HMGCLL1: variants seen among roughly 807,000 people sequenced by gnomAD.
The protein encoded by HMGCLL1 is 3-hydroxy-3-methylglutaryl-CoA lyase like 1.
HMGCLL1 carries 36 observed loss-of-function variants against 39.1 expected under a neutral mutation model. That is an observed-to-expected ratio of 0.92 (90% confidence interval 0.71 to 1.22). The LOEUF (loss-of-function observed/expected upper bound fraction) is 1.22. Among genes scored for constraint, HMGCLL1 ranks in the 50% most tolerant of loss-of-function variants. HMGCLL1 has a pLI of 0.00. For missense variants in HMGCLL1, 451 were observed against 416.5 expected (o/e 1.08, Z -0.72); for synonymous variants, 149 against 144.0 (o/e 1.03, Z -0.25).
At chr6:55,667,838 A>G in the HMGCLL1 span, among the ~76,000 whole-genome samples, 132 of 151,914 alleles carry the variant, frequency 8.7e-4, no homozygotes, top group African/African-American at 3.1e-3. Flanking sequence ...TAGATCACAT[A>G]TTGTTAGTAA....
chr6:55,469,897 T>C (rs1329335783), intron 7 of HMGCLL1, among the ~76,000 whole-genome samples: 8 of 151,912 alleles, frequency 5.3e-5, no homozygotes, highest in African/African-American at 1.7e-4. Flanking sequence ...AATGTCCCTT[T>C]TTCAGAAGCA....
intron 7 of HMGCLL1, among the ~76,000 whole-genome samples, chr6:55,465,215 T>C (rs868131047): frequency 6.6e-6 from 1 of 152,134 alleles, no homozygotes. Context: ...ATTTTTCTCT[T>C]ATGTTTGATC....
At chr6:55,536,810 T>C (rs912486615) in intron 3 of HMGCLL1, among the ~76,000 whole-genome samples, 1 of 152,154 alleles carries the variant, frequency 6.6e-6, no homozygotes, top group Non-Finnish European at 1.5e-5. Flanking sequence ...AGTTAGAAAG[T>C]CTTTGCCAAA....
rs777581182 is a variant in HMGCLL1 at position 55,448,144 on chromosome 6, A to G, written c.796-8585T>C. Reference sequence around the variant, plus strand: ...AAGCTAGCCCAAGAAGACAGCCAGAAATATTCAGATAGATTGATGTTCAAG... The same window carrying G: ...AAGCTAGCCCAAGAAGACAGCCAGAGATATTCAGATAGATTGATGTTCAAG... On this transcript the variant is annotated intron_variant, in intron 7 of 8. Coordinates refer to ENST00000274901, the MANE Select transcript of HMGCLL1 (RefSeq NM_001042406.2). Among the ~76,000 whole-genome samples the G allele has an allele frequency of 8.5e-5, 13 of 152,210 alleles. No individual in the cohort carries two copies. The East Asian group carries it at 1.7e-3, about 20-fold the overall frequency.
the HMGCLL1 span, among the ~76,000 whole-genome samples, chr6:55,619,985 C>T: frequency 3.3e-5 from 5 of 152,080 alleles, no homozygotes; most frequent in Non-Finnish European, 5.9e-5. Flanking sequence ...ATAATGACTT[C>T]CATTTCCATC....
intron 1 of HMGCLL1, among the ~76,000 whole-genome samples, chr6:55,550,872 G>T (rs1038567094): frequency 6.6e-6 from 1 of 151,466 alleles, no homozygotes; most frequent in African/African-American, 2.4e-5. Flanking sequence ...CACAAGACAG[G>T]ACTCCACAAC....
the HMGCLL1 span, among the ~76,000 whole-genome samples, chr6:55,601,515 T>G: frequency 6.6e-6 from 1 of 152,116 alleles, no homozygotes; most frequent in East Asian, 1.9e-4. Flanking sequence ...AGTCCCAAAT[T>G]TAATCTAAAC....
At position 55,477,408 on chromosome 6, in the gene HMGCLL1, A is replaced by G; in HGVS notation, c.795+18011T>C. On this transcript the variant is annotated intron_variant, in intron 7 of 8. Coordinates refer to ENST00000274901, the MANE Select transcript of HMGCLL1 (RefSeq NM_001042406.2). ...ATCTAAATATAATATATATTATCTA[A>G]ATATATATTATCTTAATATATATTA... Among the ~76,000 whole-genome samples, 5 of 22,248 alleles carry G rather than the reference A, an allele frequency of 2.2e-4. 2 individuals are homozygous for G. The highest frequency in any genetic ancestry group is 1.8e-4 in the Non-Finnish European group (3 of 16,272). The allele number at this position is 22,248 out of a possible 152,430, so 14.6% of individuals were successfully genotyped here. A position where few individuals can be genotyped will look rare whatever the true frequency, so the allele number is the denominator to read the frequency against.
the HMGCLL1 span, among the ~76,000 whole-genome samples, chr6:55,591,366 T>C: frequency 7.9e-5 from 12 of 151,988 alleles, no homozygotes; most frequent in Non-Finnish European, 1.5e-4. Flanking sequence ...TGCCTTCTTC[T>C]AGGGTTTAAA....
At chr6:55,586,280 C>A in the HMGCLL1 span, among the ~76,000 whole-genome samples, 1 of 151,852 alleles carries the variant, frequency 6.6e-6, no homozygotes, top group South Asian at 2.1e-4. Flanking sequence ...AGACCACATT[C>A]GAGAGGATTG....
chr6:55,439,355 T>G, intron 8 of HMGCLL1, 79 bp downstream of exon 8: 1 of 1,396,174 alleles, frequency 7.2e-7, no homozygotes, highest in African/African-American at 1.4e-5. Context: ...ACCTCAAAAT[T>G]GCTTCCCACA....
chr6:55,518,896 T>C (rs1408677177), intron 3 of HMGCLL1, among the ~76,000 whole-genome samples: 1 of 152,170 alleles, frequency 6.6e-6, no homozygotes, highest in African/African-American at 2.4e-5. Flanking sequence ...GTGAGCATAG[T>C]AAATGTTTAC....
At chr6:55,550,317 C>T (rs1770258698) in intron 1 of HMGCLL1, among the ~76,000 whole-genome samples, 3 of 152,004 alleles carry the variant, frequency 2.0e-5, no homozygotes, top group Admixed American at 2.0e-4. Flanking sequence ...GATGGCATTT[C>T]ACTGGGCCCC....
At chr6:55,444,695 C>T (rs1028275332) in intron 7 of HMGCLL1, among the ~76,000 whole-genome samples, 1 of 151,818 alleles carries the variant, frequency 6.6e-6, no homozygotes, top group African/African-American at 2.4e-5. Flanking sequence ...TTTTCCAATG[C>T]CTCCACAATG....
At chr6:55,599,558 G>T in the HMGCLL1 span, among the ~76,000 whole-genome samples, 1 of 152,072 alleles carries the variant, frequency 6.6e-6, no homozygotes, top group Admixed American at 6.5e-5. Context: ...TTCCCAAACT[G>T]CAAGAACATT....
chr6:55,460,654 A>G (rs1403171802), intron 7 of HMGCLL1, among the ~76,000 whole-genome samples: 1 of 151,956 alleles, frequency 6.6e-6, no homozygotes, highest in African/African-American at 2.4e-5. Flanking sequence ...ATACATACAT[A>G]GACACATGCT....
chr6:55,441,128 G>T (rs1257989101), intron 7 of HMGCLL1, among the ~76,000 whole-genome samples: 1 of 152,022 alleles, frequency 6.6e-6, no homozygotes, highest in East Asian at 1.9e-4. Flanking sequence ...GGGCAAGTGA[G>T]AATTTATAGC....
At chr6:55,546,263 A>G (rs1281361409) in intron 1 of HMGCLL1, among the ~76,000 whole-genome samples, 1 of 152,066 alleles carries the variant, frequency 6.6e-6, no homozygotes, top group East Asian at 1.9e-4. Flanking sequence ...TTTGTCATCT[A>G]CTCAAGAGAC....
chr6:55,480,144 T>C (rs1765659834), intron 7 of HMGCLL1, among the ~76,000 whole-genome samples: 1 of 151,508 alleles, frequency 6.6e-6, no homozygotes, highest in African/African-American at 2.4e-5. Flanking sequence ...TTTAAGGGAT[T>C]TCATCTGCTT....
Sources: allele counts gnomAD v4.1 joint callset (sites outside exome capture counted in the v4.1 genomes callset), GRCh38; gene constraint gnomAD v4.1.1; transcripts MANE v1.5; gene names NCBI Gene and HGNC (gene_info 2026-07-23, HGNC 2026-07-21).